DNAH14: variants seen among roughly 807,000 people sequenced by gnomAD.
DNAH14 encodes the protein axonemal beta dynein heavy chain 14.
Under a neutral mutation model 520.9 loss-of-function variants are expected in DNAH14, and 478 were observed. The ratio of observed to expected loss-of-function variants is 0.92; its 90% CI spans 0.85 to 0.99. The LOEUF is 0.99. DNAH14 is among the 50% of genes least tolerant of loss of function. The pLI is 0.00. For synonymous variants in DNAH14, 1,581 were observed against 1,757.2 expected (o/e 0.90, Z 2.51); for missense variants, 4,831 against 5,234.5 (o/e 0.92, Z 2.38).
chr1:224,945,432 G>C (rs141543488), intron 1 of DNAH14, among the ~76,000 whole-genome samples: 1 of 151,984 alleles, frequency 6.6e-6, no homozygotes, highest in African/African-American at 2.4e-5. Flanking sequence ...TTTGCCATGG[G>C]TTTGAACTTG....
rs1157687835 is a variant in DNAH14 at position 225,335,667 on chromosome 1, G to A, written c.10081-1599G>A. ...TATGTATATACGCATATATACATAT[G>A]TGCATATATGTATATACGCATATAT... On this transcript the variant is annotated intron_variant, in intron 66 of 85. Coordinates refer to ENST00000682510, the MANE Select transcript of DNAH14 (RefSeq NM_001367479.1). 2.3e-5 allele frequency among the ~76,000 whole-genome samples: 2 copies of A among 86,470 alleles called. 1 individual carries two copies. The highest frequency in any genetic ancestry group is 4.6e-5 in the Non-Finnish European group (2 of 43,874). The allele number at this position is 86,470 out of a possible 152,430, so 56.7% of individuals were successfully genotyped here.
chr1:225,320,434 C>G (rs2094537706), intron 61 of DNAH14, among the ~76,000 whole-genome samples: 1 of 152,188 alleles, frequency 6.6e-6, no homozygotes. Context: ...TCTTTGAACT[C>G]CTTGAGTATG....
chr1:225,217,708 T>C (rs923893136), intron 41 of DNAH14, among the ~76,000 whole-genome samples: 2 of 152,214 alleles, frequency 1.3e-5, no homozygotes, highest in African/African-American at 4.8e-5. Flanking sequence ...AGCCAGGCGC[T>C]GGATATAATC....
chr1:225,318,653 A>G lies in DNAH14; in HGVS notation c.9311A>G (p.Asp3104Gly), dbSNP rs914078933. ...GCAATTGTGGCTCTGAATGCCCTGGATAAAGCTGATGTCGCTGAATTAAGG... is the reference window on the plus strand; with the variant it reads ...GCAATTGTGGCTCTGAATGCCCTGGGTAAAGCTGATGTCGCTGAATTAAGG... ...DKAIVALNAL[D>G]KADVAELRVY... Residue 3104 changes from aspartate to glycine, a missense_variant, in exon 61 of 86, where the codon GAT becomes GGT. Physicochemically the swap from Asp to Gly is moderately conservative, Grantham distance 94. Transcript: ENST00000682510. 6.5e-7 allele frequency: 1 copy of G among 1,550,036 alleles called. No individual in the cohort carries two copies. The highest frequency in any genetic ancestry group is 8.7e-7 in the Non-Finnish European group (1 of 1,146,166).
intron 81 of DNAH14, among the ~76,000 whole-genome samples, chr1:225,382,202 T>C (rs1575123872): frequency 1.3e-5 from 2 of 151,970 alleles, no homozygotes; most frequent in Non-Finnish European, 2.9e-5. Context: ...AAAACCACAA[T>C]GAGATACAAC....
chr1:225,398,670 A>G lies in DNAH14; in HGVS notation c.13638+4A>G. 6.4e-7 allele frequency: 1 copy of G among 1,551,608 alleles called. No individual in the cohort carries two copies. Among genetic ancestry groups the G allele is most frequent in the Non-Finnish European group, 8.7e-7 (1 of 1,146,906 alleles). On this transcript the variant is annotated splice_donor_region_variant and intron_variant, in intron 85 of 85. Transcript: ENST00000682510. ...CATATACTTTTTGCCAACAAAGGTA[A>G]TCACCCTGCTATTATCCTGAAGTCC...
intron 81 of DNAH14, among the ~76,000 whole-genome samples, chr1:225,385,708 C>T (rs1007362342): frequency 2.6e-5 from 4 of 152,118 alleles, no homozygotes; most frequent in Non-Finnish European, 5.9e-5. Flanking sequence ...AACTACAAAC[C>T]ACTGCTCAAC....
intron 36 of DNAH14, among the ~76,000 whole-genome samples, chr1:225,175,497 T>TC (rs2083210801): frequency 1.3e-5 from 2 of 152,038 alleles, no homozygotes; most frequent in African/African-American, 4.8e-5. Flanking sequence ...GTCTCCTTTT[T>TC]CTTCTCTGAT....
rs180803365 is a variant in DNAH14, at chr1:225,184,789, T to G, written c.5536-502T>G. Among the ~76,000 whole-genome samples the G allele has an allele frequency of 6.8e-3, 1,007 of 148,818 alleles. 3 individuals carry two copies. Among genetic ancestry groups the G allele is most frequent in the Middle Eastern group, 0.014 (4 of 292 alleles). ...AGAGAAAGAAAGAAAGAAAGAAAAA[T>G]AAAGAAAGAAAGAAGCCATACTGAA... is the stretch of plus-strand genomic sequence containing the variant. On this transcript the variant is annotated intron_variant, in intron 36 of 85. Transcript: ENST00000682510.
At chr1:225,248,482 A>C (rs938698978) in intron 43 of DNAH14, among the ~76,000 whole-genome samples, 13 of 152,190 alleles carry the variant, frequency 8.5e-5, no homozygotes. Context: ...AGATAACTTT[A>C]GATTTGTTAG....
chr1:225,253,254 C>T lies in DNAH14; in HGVS notation c.6865+837C>T, dbSNP rs1397434282. 2.0e-5 allele frequency among the ~76,000 whole-genome samples: 3 copies of T among 152,236 alleles called. No homozygotes were observed. In the East Asian group the frequency reaches 5.8e-4, roughly 29 times the overall value. Reference sequence around the variant, plus strand: ...TTTCATATGTTAGTGCTGATATTGACTGACAGCCTTAGCTTTTTACCACTA... The same window carrying T: ...TTTCATATGTTAGTGCTGATATTGATTGACAGCCTTAGCTTTTTACCACTA... On this transcript the variant is annotated intron_variant, in intron 44 of 85. Transcript: ENST00000682510.
intron 4 of DNAH14, chr1:224,961,092 T>A (rs1409901086): frequency 1.3e-5 from 2 of 152,144 alleles, no homozygotes; most frequent in East Asian, 3.9e-4. Context: ...GTGGACTTGT[T>A]CTAGAGTCTC....
Position 225,004,431 on chromosome 1 carries a change from T to C in DNAH14, c.975+1504T>C, listed in dbSNP as rs138976348. Reference sequence around the variant, plus strand: ...TCATGCCTCATATTTTGAGCTAGGCTGTGCTGGATTTGAATAGCCATAGAA... The same window carrying C: ...TCATGCCTCATATTTTGAGCTAGGCCGTGCTGGATTTGAATAGCCATAGAA... On this transcript the variant is annotated intron_variant, in intron 9 of 85. Transcript: ENST00000682510. Among the ~76,000 whole-genome samples, 25 of 152,310 alleles carry C rather than the reference T, an allele frequency of 1.6e-4. No homozygotes were observed. In the East Asian group the frequency reaches 4.1e-3, roughly 25 times the overall value.
intron 71 of DNAH14, among the ~76,000 whole-genome samples, chr1:225,347,006 A>G (rs1375022691): frequency 1.3e-5 from 2 of 152,224 alleles, no homozygotes; most frequent in Non-Finnish European, 2.9e-5. Context: ...TTTGAAACAC[A>G]AAAAGCATGT....
At chr1:225,392,552 A>T in intron 84 of DNAH14, 101 bp downstream of exon 84, 1 of 1,408,938 alleles carries the variant, frequency 7.1e-7, no homozygotes, top group Non-Finnish European at 9.5e-7. Context: ...AGCACTTACC[A>T]CATGCCAGGC....
chr1:225,219,186 T>C (rs1437001617), intron 41 of DNAH14, among the ~76,000 whole-genome samples: 1 of 152,186 alleles, frequency 6.6e-6, no homozygotes, highest in Non-Finnish European at 1.5e-5. Context: ...GGGAAATGTA[T>C]ATCACTAAAT....
chr1:225,086,131 A>ATT (rs2073757893), intron 21 of DNAH14, among the ~76,000 whole-genome samples: 1 of 147,878 alleles, frequency 6.8e-6, no homozygotes, highest in Non-Finnish European at 1.5e-5. Context: ...TAATAATAAT[A>ATT]ATTATTATTA....
intron 41 of DNAH14, among the ~76,000 whole-genome samples, chr1:225,226,300 T>A (rs953595822): frequency 2.0e-5 from 3 of 152,128 alleles, no homozygotes; most frequent in African/African-American, 7.2e-5. Flanking sequence ...ACACTATATA[T>A]CGCTCCACTA....
At chr1:225,054,571 A>C (rs1364981830) in intron 17 of DNAH14, among the ~76,000 whole-genome samples, 3 of 152,118 alleles carry the variant, frequency 2.0e-5, no homozygotes, top group African/African-American at 7.2e-5. Flanking sequence ...GACATACATA[A>C]ATCCTGAAAA....
Sources: gnomAD v4.1 joint callset for allele counts (sites outside exome capture counted in the v4.1 genomes callset) on GRCh38, gnomAD v4.1.1 for gene constraint, MANE v1.5 for transcripts, NCBI Gene and HGNC (gene_info 2026-07-23, HGNC 2026-07-21) for gene names.